EHBP1: variants seen among roughly 807,000 people sequenced by gnomAD.
The protein encoded by EHBP1 is EH domain binding protein 1, also known as EH domain-binding protein 1.
In EHBP1, 55 loss-of-function variants were observed where a neutral mutation model predicts 144.0. The observed-to-expected ratio is 0.38, with a 90% CI of 0.31 to 0.48. The LOEUF is 0.48. Among genes scored for constraint, EHBP1 ranks in the 20% least tolerant of loss-of-function variants. The probability of loss-of-function intolerance (pLI) is 0.98; values close to 1 mark genes in which losing one functional copy is unlikely to be tolerated. For missense variants in EHBP1, 1,200 were observed against 1,364.2 expected, an observed-to-expected ratio of 0.88 and a Z score of 1.90; for synonymous variants, 469 against 472.7, an observed-to-expected ratio of 0.99 and a Z score of 0.10.
intron 5 of EHBP1, among the ~76,000 whole-genome samples, chr2:62,815,001 A>G (rs2045332392): frequency 1.3e-5 from 2 of 152,244 alleles, no homozygotes. Context: ...GCATCCCTGA[A>G]ATGGCACTTA....
intron 19 of EHBP1, among the ~76,000 whole-genome samples, chr2:63,010,954 A>G (rs1413498600): frequency 1.3e-5 from 2 of 151,706 alleles, no homozygotes; most frequent in African/African-American, 4.8e-5. Context: ...GTATTTACAT[A>G]GGAATAAATC....
At chr2:62,834,430 A>G (rs1403042727) in intron 7 of EHBP1, among the ~76,000 whole-genome samples, 1 of 152,218 alleles carries the variant, frequency 6.6e-6, no homozygotes, top group African/African-American at 2.4e-5. Context: ...CACCACCCTA[A>G]TTAATCAGTA....
chr2:62,798,157 A>G (rs1237194273), intron 5 of EHBP1, among the ~76,000 whole-genome samples: 2 of 152,090 alleles, frequency 1.3e-5, no homozygotes, highest in Admixed American at 6.5e-5. Flanking sequence ...ACTTAACGTC[A>G]GGAGTTTGAG....
chr2:62,699,676 T>C (rs2034214888), intron 1 of EHBP1, among the ~76,000 whole-genome samples: 4 of 152,256 alleles, frequency 2.6e-5, no homozygotes, highest in Admixed American at 2.6e-4. Context: ...TCATCCATTC[T>C]AACTGATCAA....
At chr2:62,733,640 AG>A (rs1274117774) in intron 2 of EHBP1, among the ~76,000 whole-genome samples, 1 of 152,080 alleles carries the variant, frequency 6.6e-6, no homozygotes. Context: ...GTTTCTCTTG[AG>A]GGTAGGCCTT....
At position 62,860,798 on chromosome 2, in the gene EHBP1, G is replaced by A. The variant is rs375603165; in HGVS notation, c.757+1507G>A. ...TAAGTCTGTTATCAGAGGTATAAAAGAGAGTGGCAGACAACACATAAGATC... is the reference window on the plus strand; with the variant it reads ...TAAGTCTGTTATCAGAGGTATAAAAAAGAGTGGCAGACAACACATAAGATC... On this transcript the variant is annotated intron_variant, in intron 8 of 22. Coordinates refer to ENST00000431489, the MANE Select transcript of EHBP1 (RefSeq NM_001142616.3). Among the ~76,000 whole-genome samples the A allele has an allele frequency of 7.9e-5, 12 of 152,266 alleles. 1 individual carries two copies. In the South Asian group the frequency reaches 2.5e-3, roughly 32 times the overall value.
intron 10 of EHBP1, among the ~76,000 whole-genome samples, chr2:62,934,542 A>G (rs2056234135): frequency 6.6e-6 from 1 of 152,214 alleles, no homozygotes; most frequent in Admixed American, 6.5e-5. Context: ...GAAACATAGC[A>G]TATTAGCATT....
At chr2:62,846,026 G>A (rs1456220774) in intron 7 of EHBP1, among the ~76,000 whole-genome samples, 1 of 152,136 alleles carries the variant, frequency 6.6e-6, no homozygotes, top group Non-Finnish European at 1.5e-5. Flanking sequence ...ACGTCATCAG[G>A]AATATATCTT....
At chr2:62,803,438 G>T (rs1359717639) in intron 5 of EHBP1, among the ~76,000 whole-genome samples, 1 of 152,148 alleles carries the variant, frequency 6.6e-6, no homozygotes, top group Non-Finnish European at 1.5e-5. Flanking sequence ...CACCCTCAGC[G>T]ATGCTAGCTA....
chr2:62,943,772 A>G (rs2056909809), intron 11 of EHBP1, 30 bp from the exon 12 acceptor site: 3 of 1,524,142 alleles, frequency 2.0e-6, no homozygotes, highest in South Asian at 1.2e-5. Context: ...CAAATACTAT[A>G]TGTACCCACT....
intron 10 of EHBP1, among the ~76,000 whole-genome samples, chr2:62,898,121 G>A (rs886582699): frequency 6.6e-6 from 1 of 152,106 alleles, no homozygotes; most frequent in Non-Finnish European, 1.5e-5. Context: ...CAAAGGTCAC[G>A]GTAATTTTAT....
At position 62,705,771 on chromosome 2, in the gene EHBP1, G is replaced by A. The variant is rs1478744707; in HGVS notation, c.-577G>A. The A allele has an allele frequency of 2.0e-5, 3 of 151,770 alleles. No homozygotes were observed. Among genetic ancestry groups the A allele is most frequent in the Non-Finnish European group, 4.4e-5 (3 of 68,288 alleles). 9.4% of individuals were successfully genotyped at this position (151,770 alleles called of 1,614,324 possible). ...ATGGTGGCGGAGGAGAAAGGCGGGG[G>A]AGGGGGTGCTGGGCGCTGAGCGGTG... On this transcript the variant is annotated 5_prime_UTR_variant, in exon 1 of 23. Transcript: ENST00000431489.
chr2:62,799,107 G>A (rs1382172934), intron 5 of EHBP1, among the ~76,000 whole-genome samples: 1 of 151,046 alleles, frequency 6.6e-6, no homozygotes, highest in African/African-American at 2.4e-5. Context: ...TTTCATATTA[G>A]ATACTCTAAA....
At chr2:62,690,967 G>A (rs1407001862) in intron 1 of EHBP1, among the ~76,000 whole-genome samples, 1 of 152,214 alleles carries the variant, frequency 6.6e-6, no homozygotes, top group Admixed American at 6.5e-5. Flanking sequence ...CTAGATGTTT[G>A]CTATTATTGG....
At position 63,002,196 on chromosome 2, in the gene EHBP1, T is replaced by C. The variant is rs190104310; in HGVS notation, c.3103+5430T>C. ...CATTATAACCTTCAGAGGGTAGTTTTCAGTCTGGGACTAGCTACTTAGGAA... is the reference window on the plus strand; with the variant it reads ...CATTATAACCTTCAGAGGGTAGTTTCCAGTCTGGGACTAGCTACTTAGGAA... On this transcript the variant is annotated intron_variant, in intron 19 of 22. Coordinates refer to ENST00000431489, the MANE Select transcript of EHBP1 (RefSeq NM_001142616.3). 2.0e-5 allele frequency among the ~76,000 whole-genome samples: 3 copies of C among 152,292 alleles called. No individual in the cohort carries two copies. The East Asian group carries it at 5.8e-4, about 29-fold the overall frequency.
intron 7 of EHBP1, among the ~76,000 whole-genome samples, chr2:62,835,401 T>C (rs1280168861): frequency 6.6e-6 from 1 of 152,198 alleles, no homozygotes; most frequent in Non-Finnish European, 1.5e-5. Context: ...TTTAGGCTGG[T>C]ATTCTCTCTA....
chr2:63,045,121 G>A lies in EHBP1; in HGVS notation c.3333G>A (p.Leu1111=), dbSNP rs2061892728. 3 of 1,595,888 alleles carry A rather than the reference G, an allele frequency of 1.9e-6. No individual in the cohort carries two copies. Among genetic ancestry groups the A allele is most frequent in the Non-Finnish European group, 2.6e-6 (3 of 1,170,858 alleles). The change falls in exon 22 of 23, where the codon CTG becomes CTA. Residue 1111 remains leucine (L), a synonymous_variant. Coordinates refer to ENST00000431489, the MANE Select transcript of EHBP1 (RefSeq NM_001142616.3). The surrounding 1 kb of genome is among the most constrained non-coding windows in gnomAD (Gnocchi z 5.7). ...KRREQLLLDE[L]VALVNKRDAL... ...GCGAACAGCTTCTGCTAGATGAGCTGGTGGCCCTGGTGAACAAGCGCGATG... is the reference window on the plus strand; with the variant it reads ...GCGAACAGCTTCTGCTAGATGAGCTAGTGGCCCTGGTGAACAAGCGCGATG...
chr2:62,691,362 A>G (rs1415515245), intron 1 of EHBP1, among the ~76,000 whole-genome samples: 13 of 152,096 alleles, frequency 8.5e-5, no homozygotes, highest in Admixed American at 8.5e-4. Context: ...GCTCTAGCCA[A>G]CCCATCTGTA....
chr2:62,987,946 T>C (rs1262900978), intron 15 of EHBP1: 1 of 1,580,444 alleles, frequency 6.3e-7, no homozygotes, highest in Admixed American at 1.7e-5. Flanking sequence ...AATGATAATA[T>C]TGAGATAGAT....
Sources: gnomAD v4.1 joint callset for allele counts (sites outside exome capture counted in the v4.1 genomes callset) on GRCh38, gnomAD v4.1.1 for gene constraint, Gnocchi (gnomAD v3.1) non-coding constraint, MANE v1.5 for transcripts, NCBI Gene and HGNC (gene_info 2026-07-23, HGNC 2026-07-21) for gene names.